Variants in ZMYM2 observed in about 807,000 individuals in gnomAD.
ZMYM2 encodes zinc finger MYM-type containing 2.
In ZMYM2, 56 loss-of-function variants were observed where a neutral mutation model predicts 162.8. That is an observed-to-expected ratio of 0.34 (90% CI 0.28 to 0.43). ZMYM2 has a LOEUF of 0.43. Ranked by LOEUF, ZMYM2 falls within the 20% of genes least tolerant of loss-of-function variation. The pLI is 1.00. For missense variants in ZMYM2, 1,275 were observed against 1,621.8 expected, an observed-to-expected ratio of 0.79 and a Z score of 3.67; for synonymous variants, 510 against 541.6, an observed-to-expected ratio of 0.94 and a Z score of 0.81.
the ZMYM2 span, among the ~76,000 whole-genome samples, chr13:19,876,691 G>T: frequency 3.3e-4 from 51 of 152,240 alleles, 1 homozygote; most frequent in Admixed American, 1.5e-3. Context: ...TAAGTGTACA[G>T]TTCGATGGTA....
chr13:19,977,005 C>T (rs559536321), intron 2 of ZMYM2, among the ~76,000 whole-genome samples: 2 of 152,294 alleles, frequency 1.3e-5, no homozygotes, highest in South Asian at 2.1e-4. Context: ...CTTGCTAGAA[C>T]GAACCTTTCA....
At chr13:19,976,594 C>T (rs919481991) in intron 2 of ZMYM2, among the ~76,000 whole-genome samples, 1 of 152,174 alleles carries the variant, frequency 6.6e-6, no homozygotes, top group Non-Finnish European at 1.5e-5. Flanking sequence ...CCCCTGGTAA[C>T]CACCATTTTA....
At chr13:20,081,633 T>G (rs896388352) in intron 21 of ZMYM2, among the ~76,000 whole-genome samples, 1 of 152,196 alleles carries the variant, frequency 6.6e-6, no homozygotes, top group Non-Finnish European at 1.5e-5. Flanking sequence ...ATTATAACTC[T>G]TACTTTATAA....
At chr13:19,940,470 C>A in the ZMYM2 span, among the ~76,000 whole-genome samples, 2 of 152,216 alleles carry the variant, frequency 1.3e-5, no homozygotes, top group Non-Finnish European at 2.9e-5. Context: ...AAATTGGTAA[C>A]TGCCACACAA....
chr13:19,876,989 C>G, the ZMYM2 span, among the ~76,000 whole-genome samples: 6 of 152,012 alleles, frequency 3.9e-5, no homozygotes, highest in Non-Finnish European at 5.9e-5. Context: ...CTTTGGGAGG[C>G]CGAGGCGGGC....
chr13:19,973,017 A>G (rs546507836), intron 2 of ZMYM2, among the ~76,000 whole-genome samples: 1 of 151,496 alleles, frequency 6.6e-6, no homozygotes, highest in Admixed American at 6.6e-5. Flanking sequence ...GCTCACTGCA[A>G]CCTCTACCTC....
At chr13:19,868,465 C>T in the ZMYM2 span, among the ~76,000 whole-genome samples, 12 of 152,166 alleles carry the variant, frequency 7.9e-5, no homozygotes, top group Admixed American at 2.6e-4. Flanking sequence ...GCCTACATTT[C>T]TTGACCCACA....
intron 1 of ZMYM2, among the ~76,000 whole-genome samples, chr13:19,959,210 C>CCGG (rs1209640485): frequency 6.7e-6 from 1 of 148,230 alleles, no homozygotes; most frequent in African/African-American, 2.4e-5. Flanking sequence ...GGCGGGGGTG[C>CCGG]CGGCCGCCCG....
chr13:19,904,826 G>A, the ZMYM2 span, among the ~76,000 whole-genome samples: 10 of 151,978 alleles, frequency 6.6e-5, no homozygotes, highest in African/African-American at 2.4e-4. Flanking sequence ...TAAACATAAT[G>A]TTTTCAAGTC....
chr13:19,947,451 C>CT, the ZMYM2 span, among the ~76,000 whole-genome samples: 1,507 of 130,046 alleles, frequency 0.012, 35 homozygotes, highest in African/African-American at 0.038. Context: ...TCTTCTTCGT[C>CT]TTTTTTTTTT....
chr13:20,028,725 A>C (rs755533642), intron 9 of ZMYM2, among the ~76,000 whole-genome samples: 6 of 152,134 alleles, frequency 3.9e-5, no homozygotes, highest in Non-Finnish European at 5.9e-5. Flanking sequence ...TGTAAATGCT[A>C]TGTAAAGAGT....
At position 20,054,112 on chromosome 13, in the gene ZMYM2, C is replaced by G. The variant is rs545968045; in HGVS notation, c.2493+1801C>G. ...GTTGCCTTTTGTCATATAAAGTCCT[C>G]TCCCATCTTTTCTTTGTAAGCTTTT... On this transcript the variant is annotated intron_variant, in intron 14 of 24. Coordinates refer to ENST00000610343, the MANE Select transcript of ZMYM2 (RefSeq NM_197968.4). Among the ~76,000 whole-genome samples the G allele has an allele frequency of 3.3e-5, 5 of 152,366 alleles. No homozygotes were observed. The East Asian group carries it at 9.6e-4, about 29-fold the overall frequency.
chr13:19,959,292 T>G (rs1250640407), intron 1 of ZMYM2, among the ~76,000 whole-genome samples: 2 of 151,496 alleles, frequency 1.3e-5, no homozygotes, highest in African/African-American at 2.4e-5. Context: ...GGGTCTCCGC[T>G]CTCGGGGCAG....
intron 10 of ZMYM2, 77 bp downstream of exon 10, chr13:20,031,512 G>T: frequency 2.2e-6 from 2 of 892,284 alleles, no homozygotes; most frequent in Non-Finnish European, 3.2e-6. Context: ...ATTTCCATCT[G>T]GAAACCTATT....
chr13:19,952,295 T>C, the ZMYM2 span, among the ~76,000 whole-genome samples: 41 of 152,122 alleles, frequency 2.7e-4, no homozygotes, highest in East Asian at 6.0e-3. Flanking sequence ...TTTAGCTACA[T>C]AGGAGGAAGT....
chr13:20,011,291 A>G (rs1012185581), intron 6 of ZMYM2, among the ~76,000 whole-genome samples: 2 of 152,116 alleles, frequency 1.3e-5, no homozygotes, highest in African/African-American at 4.8e-5. Flanking sequence ...TGGGACCCAA[A>G]GTGTTTCAGA....
rs533456794 is a variant in ZMYM2, at chr13:20,064,190, A to G, written c.3038-261A>G. Among the ~76,000 whole-genome samples the G allele has an allele frequency of 5.3e-5, 8 of 152,122 alleles. No homozygotes were observed. In the South Asian group the frequency reaches 1.0e-3, roughly 20 times the overall value. ...AGATCTTGTAATTGGATTTCAGACT[A>G]TAATAATTTTTCTGGTATCATACAT... On this transcript the variant is annotated intron_variant, in intron 18 of 24. Transcript: ENST00000610343.
At chr13:19,947,451 C>CTTTTTT in the ZMYM2 span, among the ~76,000 whole-genome samples, 3 of 130,052 alleles carry the variant, frequency 2.3e-5, no homozygotes, top group African/African-American at 2.7e-5. Flanking sequence ...TCTTCTTCGT[C>CTTTTTT]TTTTTTTTTT....
intron 2 of ZMYM2, among the ~76,000 whole-genome samples, chr13:19,961,398 CTG>C (rs1469806638): frequency 2.0e-5 from 3 of 152,226 alleles, no homozygotes; most frequent in African/African-American, 7.2e-5. Context: ...AATTTACAGT[CTG>C]TAATTGTTTT....
Sources: gnomAD v4.1 joint callset for allele counts (sites outside exome capture counted in the v4.1 genomes callset) on GRCh38, gnomAD v4.1.1 for gene constraint, MANE v1.5 for transcripts, NCBI Gene and HGNC (gene_info 2026-07-23, HGNC 2026-07-21) for gene names.